The following SLC9B2 variants were observed in gnomAD, a reference collection of about 807,000 sequenced individuals.
SLC9B2 encodes the protein sodium/hydrogen exchanger 9B2.
In SLC9B2, 39 loss-of-function variants were observed where a neutral mutation model predicts 52.2. That is an observed-to-expected ratio of 0.75 (90% CI 0.58 to 0.98). The LOEUF (loss-of-function observed/expected upper bound fraction) is 0.98, where lower values mean the gene tolerates loss of function less well. SLC9B2 is among the 50% of genes least tolerant of loss of function. SLC9B2 has a pLI of 0.00. For missense variants in SLC9B2, 626 were observed against 637.5 expected, an observed-to-expected ratio of 0.98 and a Z score of 0.19; for synonymous variants, 214 against 227.0, an observed-to-expected ratio of 0.94 and a Z score of 0.51.
At chr4:103,047,373 A>T in intron 6 of SLC9B2, 147 bp from the exon 7 acceptor site, 2 of 748,510 alleles carry the variant, frequency 2.7e-6, no homozygotes, top group Non-Finnish European at 2.0e-6. Flanking sequence ...AAACTTTAAT[A>T]AGAATTGTTT....
At chr4:103,048,646 G>C (rs961487187) in intron 6 of SLC9B2, 1 of 356,618 alleles carries the variant, frequency 2.8e-6, no homozygotes, top group African/African-American at 2.1e-5. Context: ...AACAGGCATT[G>C]AATCAGGTGT....
intron 1 of SLC9B2, among the ~76,000 whole-genome samples, chr4:103,073,363 G>A (rs1175208018): frequency 6.6e-6 from 1 of 152,104 alleles, no homozygotes; most frequent in African/African-American, 2.4e-5. Context: ...GTCTCATACA[G>A]TATTTCTACA....
At chr4:103,039,700 T>C (rs1000292997) in intron 9 of SLC9B2, among the ~76,000 whole-genome samples, 3 of 143,498 alleles carry the variant, frequency 2.1e-5, no homozygotes, top group Non-Finnish European at 4.5e-5. Flanking sequence ...CAGGGTGGAG[T>C]GCAATGGTGT....
intron 9 of SLC9B2, among the ~76,000 whole-genome samples, chr4:103,039,510 G>A (rs1743448016): frequency 6.6e-6 from 1 of 152,166 alleles, no homozygotes; most frequent in African/African-American, 2.4e-5. Context: ...CTTTGGTTTG[G>A]TTCCTACAGG....
chr4:103,038,573 T>C (rs941398960), intron 9 of SLC9B2, among the ~76,000 whole-genome samples: 7 of 152,202 alleles, frequency 4.6e-5, no homozygotes, highest in Non-Finnish European at 8.8e-5. Flanking sequence ...TAATGAAGAC[T>C]GTGTTGTCCC....
At chr4:103,066,237 A>G in intron 3 of SLC9B2, 90 bp downstream of exon 3, 3 of 1,436,218 alleles carry the variant, frequency 2.1e-6, no homozygotes, top group Non-Finnish European at 2.8e-6. Context: ...GGAGAAGTGA[A>G]CTTCTTTTTG....
intron 1 of SLC9B2, among the ~76,000 whole-genome samples, chr4:103,075,241 C>T (rs577565706): frequency 6.6e-6 from 1 of 152,294 alleles, no homozygotes; most frequent in East Asian, 1.9e-4. Context: ...CCTGTGCCTC[C>T]TGGGTTCAAG....
At chr4:103,031,965 G>A (rs1006978248) in intron 9 of SLC9B2, among the ~76,000 whole-genome samples, 157 bp from the exon 10 acceptor site, 6 of 152,122 alleles carry the variant, frequency 3.9e-5, no homozygotes, top group Non-Finnish European at 2.9e-5. Context: ...CAAAAAAACT[G>A]CATGAAGATC....
At chr4:103,057,289 CATATAT>C (rs1040131995) in intron 4 of SLC9B2, among the ~76,000 whole-genome samples, 139 of 145,784 alleles carry the variant, frequency 9.5e-4, no homozygotes, top group African/African-American at 3.4e-3. Flanking sequence ...CACACACACA[CATATAT>C]ACACACACAC....
intron 9 of SLC9B2, among the ~76,000 whole-genome samples, chr4:103,033,679 G>A (rs1054729572): frequency 2.0e-5 from 3 of 152,088 alleles, no homozygotes; most frequent in African/African-American, 7.2e-5. Context: ...TACAAGCTGA[G>A]AGCCAAATCA....
At position 103,047,027 on chromosome 4, in the gene SLC9B2, C is replaced by G. The variant is rs1423746684; in HGVS notation, c.889+24G>C. 4.4e-6 allele frequency: 7 copies of G among 1,604,328 alleles called. No homozygotes were observed. In the Admixed American group the frequency reaches 8.4e-5, roughly 19 times the overall value. On this transcript the variant is annotated intron_variant, in intron 7 of 11. Coordinates refer to ENST00000394785, the MANE Select transcript of SLC9B2 (RefSeq NM_178833.7). ...ACGTCCCTAGAATGCAAGAGTAAAGCCTGTTGTGAACTGATTAGGTTACCT... is the reference window on the plus strand; with the variant it reads ...ACGTCCCTAGAATGCAAGAGTAAAGGCTGTTGTGAACTGATTAGGTTACCT...
chr4:103,043,466 T>C, intron 8 of SLC9B2, 21 bp from the exon 9 acceptor site: 1 of 1,580,638 alleles, frequency 6.3e-7, no homozygotes, highest in Non-Finnish European at 8.6e-7. Flanking sequence ...AAAAAATTCA[T>C]TTGCTCAATT....
In SLC9B2 at chr4:103,047,160, G is replaced by A. The variant is rs377277314; in HGVS notation, c.780C>T (p.Gly260=). The change falls in exon 7 of 12, where the codon GGC becomes GGT. Residue 260 remains glycine, a synonymous_variant. Transcript: ENST00000394785. ...VPSMLLLQGG[G]YGVEKGVPTL... ...TTGGGACACCCTTCTCAACACCATAGCCTCCTCCCTGCAAAAGGAGCATTG... is the reference window on the plus strand; with the variant it reads ...TTGGGACACCCTTCTCAACACCATAACCTCCTCCCTGCAAAAGGAGCATTG... The A allele has an allele frequency of 1.9e-6, 3 of 1,613,852 alleles. No homozygotes were observed. Among genetic ancestry groups the A allele is most frequent in the Non-Finnish European group, 2.5e-6 (3 of 1,179,912 alleles).
At chr4:103,036,337 A>G (rs1307618974) in intron 9 of SLC9B2, among the ~76,000 whole-genome samples, 1 of 152,244 alleles carries the variant, frequency 6.6e-6, no homozygotes, top group Non-Finnish European at 1.5e-5. Flanking sequence ...CCACAGGGAC[A>G]CAAAGAAGGG....
At chr4:103,038,525 G>A (rs1200166542) in intron 9 of SLC9B2, among the ~76,000 whole-genome samples, 1 of 152,178 alleles carries the variant, frequency 6.6e-6, no homozygotes, top group African/African-American at 2.4e-5. Context: ...AGAAAATGGA[G>A]TCATTGAATA....
intron 4 of SLC9B2, among the ~76,000 whole-genome samples, chr4:103,051,652 C>G (rs1398496517): frequency 6.6e-6 from 1 of 152,166 alleles, no homozygotes; most frequent in Non-Finnish European, 1.5e-5. Context: ...GTGACAAGTA[C>G]ATACTGTACC....
At chr4:103,050,175 T>C in intron 5 of SLC9B2, 65 bp downstream of exon 5, 1 of 1,382,318 alleles carries the variant, frequency 7.2e-7, no homozygotes, top group Non-Finnish European at 9.7e-7. Flanking sequence ...AGTGATTCTG[T>C]TAGATACCTG....
intron 3 of SLC9B2, among the ~76,000 whole-genome samples, chr4:103,058,269 A>T (rs1745328817): frequency 6.6e-6 from 1 of 152,144 alleles, no homozygotes; most frequent in Non-Finnish European, 1.5e-5. Flanking sequence ...TTTCTTTATA[A>T]TTTTAACACA....
chr4:103,064,263 T>C (rs1745907577), intron 3 of SLC9B2, among the ~76,000 whole-genome samples: 1 of 152,176 alleles, frequency 6.6e-6, no homozygotes, highest in Non-Finnish European at 1.5e-5. Context: ...CAACAATGAA[T>C]GACTGGATGA....
Sources: allele counts gnomAD v4.1 joint callset (sites outside exome capture counted in the v4.1 genomes callset), GRCh38; gene constraint gnomAD v4.1.1; transcripts MANE v1.5; gene names NCBI Gene and HGNC (gene_info 2026-07-23, HGNC 2026-07-21).